The following ZNF578 variants were observed in gnomAD, a reference collection of about 807,000 sequenced individuals.
ZNF578 encodes Putative chemokine-related protein B42.
A neutral mutation model predicts 8.3 loss-of-function variants in ZNF578; 8 were observed. The ratio of observed to expected loss-of-function variants is 0.96; its 90% CI spans 0.56 to 1.74. The LOEUF (loss-of-function observed/expected upper bound fraction) is 1.74, where lower values mean the gene tolerates loss of function less well. Among genes scored for constraint, ZNF578 ranks in the 40% most tolerant of loss-of-function variants. The pLI, the probability that ZNF578 is intolerant of heterozygous loss-of-function variation, is 0.00. For synonymous variants in ZNF578, 206 were observed against 232.2 expected, an observed-to-expected ratio of 0.89 and a Z score of 1.03; for missense variants, 726 against 707.5, an observed-to-expected ratio of 1.03 and a Z score of -0.30.
At chr19:52,498,829 C>G (rs2059396692) in intron 3 of ZNF578, among the ~76,000 whole-genome samples, 1 of 151,980 alleles carries the variant, frequency 6.6e-6, no homozygotes, top group Non-Finnish European at 1.5e-5. Flanking sequence ...ACCACAGATG[C>G]ACGCCACGAT....
chr19:52,495,430 A>G (rs866955715), intron 3 of ZNF578, among the ~76,000 whole-genome samples: 2 of 148,142 alleles, frequency 1.4e-5, no homozygotes, highest in African/African-American at 4.9e-5. Context: ...AGCGTGGGCA[A>G]TAAGAGCGAA....
intron 3 of ZNF578, among the ~76,000 whole-genome samples, chr19:52,496,649 A>G (rs1339358958): frequency 2.8e-5 from 4 of 143,744 alleles, no homozygotes; most frequent in Non-Finnish European, 6.0e-5. Context: ...TTATTTATTT[A>G]TTTATTTGAG....
chr19:52,499,099 T>G (rs73583034), intron 3 of ZNF578, among the ~76,000 whole-genome samples: 2,388 of 152,244 alleles, frequency 0.016, 61 homozygotes, highest in African/African-American at 0.053. Context: ...CAGGATAACT[T>G]GGTGAAATGT....
At position 52,512,500 on chromosome 19, in the gene ZNF578, G is replaced by A. The variant is rs1198200311; in HGVS notation, c.*346G>A. ...AGTTCATCAGTGAACTCATACTGGA[G>A]AGAAACCTTACAAATGTCATGACTG... is the stretch of plus-strand genomic sequence containing the variant. On this transcript the variant is annotated 3_prime_UTR_variant, in exon 6 of 6. Transcript: ENST00000421239. Among the ~76,000 whole-genome samples, 3 of 152,334 alleles carry A rather than the reference G, an allele frequency of 2.0e-5. No homozygotes were observed. The East Asian group carries it at 5.8e-4, about 29-fold the overall frequency.
chr19:52,498,163 T>C (rs2059393368), intron 3 of ZNF578, among the ~76,000 whole-genome samples: 1 of 152,112 alleles, frequency 6.6e-6, no homozygotes, highest in African/African-American at 2.4e-5. Flanking sequence ...TTTTGTTTGT[T>C]TGTTTTTCTT....
intron 5 of ZNF578, among the ~76,000 whole-genome samples, chr19:52,509,314 T>G (rs868312903): frequency 6.6e-6 from 1 of 152,162 alleles, no homozygotes; most frequent in African/African-American, 2.4e-5. Context: ...GGTGGTTAAG[T>G]AGATGTTGTG....
At chr19:52,499,381 G>A (rs772585291) in intron 3 of ZNF578, among the ~76,000 whole-genome samples, 1 of 152,154 alleles carries the variant, frequency 6.6e-6, no homozygotes, top group Non-Finnish European at 1.5e-5. Context: ...GTCCCCTGCA[G>A]GCCTCAACCC....
At chr19:52,508,597 A>AGACCAACTT (rs2059433468) in intron 5 of ZNF578, among the ~76,000 whole-genome samples, 1 of 151,866 alleles carries the variant, frequency 6.6e-6, no homozygotes, top group South Asian at 2.1e-4. Context: ...TAGGAGTTCA[A>AGACCAACTT]GACCAACTTA....
At chr19:52,492,824 A>C (rs552458458) in intron 3 of ZNF578, 1 of 152,366 alleles carries the variant, frequency 6.6e-6, no homozygotes, top group South Asian at 2.1e-4. Context: ...CGCGCAAACC[A>C]GGTGGCGTAT....
At chr19:52,500,936 T>C (rs568411387) in intron 3 of ZNF578, among the ~76,000 whole-genome samples, 3 of 148,128 alleles carry the variant, frequency 2.0e-5, no homozygotes, top group African/African-American at 7.5e-5. Context: ...TGGAGTGCAG[T>C]GGTGGGATCT....
chr19:52,512,079 T>C lies in ZNF578; in HGVS notation c.1698T>C (p.Pro566=). 2 of 1,613,760 alleles carry C rather than the reference T, an allele frequency of 1.2e-6. No individual in the cohort carries two copies. ...CTAGAATTCATAGCGGAGAGAAACC[T>C]TACAAGTGTAATGAGTGTGGTAAGG... The part of the protein sequence containing the change: ...NHTRIHSGEK[P]YKCNECGKAH... Residue 566 remains proline, a synonymous_variant, in exon 6 of 6, where the codon CCT becomes CCC. Transcript: ENST00000421239.
intron 4 of ZNF578, among the ~76,000 whole-genome samples, chr19:52,502,198 G>T (rs1354154020): frequency 6.6e-6 from 1 of 152,284 alleles, no homozygotes; most frequent in East Asian, 1.9e-4. Flanking sequence ...GTGTGGGCCC[G>T]TTGATGTCAT....
chr19:52,471,948 G>A (rs200714670), intron 2 of ZNF578, among the ~76,000 whole-genome samples: 3 of 66,134 alleles, frequency 4.5e-5, no homozygotes, highest in South Asian at 9.3e-4. Flanking sequence ...TCACTAATAC[G>A]AAAAAGACAT....
In ZNF578 at chr19:52,516,611, C is replaced by G. The variant is rs138844151; in HGVS notation, c.*4457C>G. ...GAAAATACCCTTAAGTGATGACATT[C>G]CACCATTGTGATTTATTTCTGCACC... is the stretch of plus-strand genomic sequence containing the variant. On this transcript the variant is annotated 3_prime_UTR_variant, in exon 6 of 6. Transcript: ENST00000421239. 1.3e-3 allele frequency among the ~76,000 whole-genome samples: 191 copies of G among 152,262 alleles called. 2 individuals are homozygous for G. In the East Asian group the frequency reaches 0.027, roughly 21 times the overall value.
intron 2 of ZNF578, among the ~76,000 whole-genome samples, chr19:52,466,298 A>C (rs2059274983): frequency 6.6e-6 from 1 of 152,234 alleles, no homozygotes. Context: ...GTCTGGCCAC[A>C]TTCCATTGCT....
chr19:52,486,719 G>A (rs1419422131), intron 2 of ZNF578, among the ~76,000 whole-genome samples: 1 of 151,650 alleles, frequency 6.6e-6, no homozygotes, highest in Non-Finnish European at 1.5e-5. Context: ...GTCGGGACAC[G>A]GGAGTGTATC....
intron 2 of ZNF578, among the ~76,000 whole-genome samples, chr19:52,465,961 T>C (rs1359705429): frequency 6.6e-6 from 1 of 152,184 alleles, no homozygotes; most frequent in Non-Finnish European, 1.5e-5. Flanking sequence ...CTTAGGGTAC[T>C]CAAAGTCCAA....
At chr19:52,456,808 A>G in intron 1 of ZNF578, 60 bp from the exon 2 acceptor site, 1 of 154,664 alleles carries the variant, frequency 6.5e-6, no homozygotes, top group East Asian at 1.9e-4. Context: ...TAAACAGCAT[A>G]TTTTGAACAC....
intron 3 of ZNF578, among the ~76,000 whole-genome samples, chr19:52,496,270 C>T (rs960640932): frequency 1.1e-4 from 17 of 152,042 alleles, no homozygotes; most frequent in Non-Finnish European, 2.1e-4. Context: ...CCCTCGTCGG[C>T]CTCCCAAAGT....
Sources: gnomAD v4.1 joint callset for allele counts (sites outside exome capture counted in the v4.1 genomes callset) on GRCh38, gnomAD v4.1.1 for gene constraint, MANE v1.5 for transcripts, NCBI Gene and HGNC (gene_info 2026-07-23, HGNC 2026-07-21) for gene names.